Variants in MAP1S observed in about 807,000 individuals in gnomAD.
MAP1S encodes microtubule-associated protein 1S.
MAP1S carries 27 observed loss-of-function variants against 60.9 expected under a neutral mutation model. That is an observed-to-expected ratio of 0.44 (90% CI 0.33 to 0.61). The LOEUF (loss-of-function observed/expected upper bound fraction) is 0.61. Among genes scored for constraint, MAP1S ranks in the 20% least tolerant of loss-of-function variants. The pLI is 0.03. For missense variants in MAP1S, 1,608 were observed against 1,486.6 expected (o/e 1.08, Z -1.34); for synonymous variants, 826 against 694.2 (o/e 1.19, Z -2.98).
intron 2 of MAP1S, among the ~76,000 whole-genome samples, chr19:17,722,044 T>C (rs1460385369): frequency 1.3e-5 from 2 of 152,172 alleles, no homozygotes; most frequent in East Asian, 1.9e-4. Flanking sequence ...TGACACTTCA[T>C]GGGGCAGAAA....
Position 17,726,286 on chromosome 19 carries a change from TCAA to T in MAP1S, c.905_907del (p.Asn302del). 6.2e-7 allele frequency: 1 copy of T among 1,607,344 alleles called. No individual in the cohort carries two copies. The highest frequency in any genetic ancestry group is 8.5e-7 in the Non-Finnish European group (1 of 1,178,046). ...CCTGGCGCCGACAGCCTCCCCGGCC[TCAA>T]CAGCCTGCTGCGGCGCAAACTGGCG... On this transcript the variant is annotated inframe_deletion, in exon 5 of 7. Coordinates refer to ENST00000324096, the MANE Select transcript of MAP1S (RefSeq NM_018174.6).
At chr19:17,721,248 C>T (rs1258416981) in intron 2 of MAP1S, 2 of 576,168 alleles carry the variant, frequency 3.5e-6, no homozygotes, top group Non-Finnish European at 6.3e-6. Context: ...CCCTGATTGA[C>T]AGATGAGGAA....
Position 17,725,252 on chromosome 19 carries a change from G to A in MAP1S, c.444+63G>A. 6.5e-7 allele frequency: 1 copy of A among 1,544,560 alleles called. No individual in the cohort carries two copies. Among genetic ancestry groups the A allele is most frequent in the East Asian group, 2.3e-5 (1 of 44,348 alleles). ...CTGAATCCTGACTGGGGTGTATCAG[G>A]CTGTGTGGCACCAGCGACCTGCTGT... On this transcript the variant is annotated intron_variant, in intron 4 of 6. Coordinates refer to ENST00000324096, the MANE Select transcript of MAP1S (RefSeq NM_018174.6). The surrounding 1 kb of genome is among the most constrained non-coding windows in gnomAD (Gnocchi z 4.2).
chr19:17,727,572 G>T lies in MAP1S; in HGVS notation c.2188G>T (p.Ala730Ser). 1.2e-6 allele frequency: 2 copies of T among 1,607,056 alleles called. No individual in the cohort carries two copies. Among genetic ancestry groups the T allele is most frequent in the South Asian group, 1.1e-5 (1 of 91,016 alleles). ...PLRGPRARRSASPHDVDLCLV... is the reference protein window; with the variant it reads ...PLRGPRARRSSSPHDVDLCLV... ...GCGTGGCCCCCGGGCGCGGCGCTCG[G>T]CTTCCCCACACGATGTGGACCTGTG... Residue 730 changes from alanine (A) to serine (S), a missense_variant, in exon 5 of 7, where the codon GCT becomes TCT. Ala to Ser is a moderately conservative substitution (Grantham distance 99). Transcript: ENST00000324096. The surrounding 1 kb of genome is among the most constrained non-coding windows in gnomAD (Gnocchi z 4.1).
chr19:17,728,436 A>G (rs1200681980), intron 5 of MAP1S, among the ~76,000 whole-genome samples: 1 of 151,990 alleles, frequency 6.6e-6, no homozygotes, highest in Non-Finnish European at 1.5e-5. Context: ...TTTGGTAGAG[A>G]TAGGGTCTTA....
At position 17,727,349 on chromosome 19, in the gene MAP1S, G is replaced by C. The variant is rs776502177; in HGVS notation, c.1965G>C (p.Ser655=). ...CCGCAGAGGGCAGCGAGCGGCTGTCGCTGAGCCCACTGCGGGGCGGGGAGG... is the reference window on the plus strand; with the variant it reads ...CCGCAGAGGGCAGCGAGCGGCTGTCCCTGAGCCCACTGCGGGGCGGGGAGG... ...RSPAEGSERL[S]LSPLRGGEAG... is the part of the protein sequence containing the mutation. Residue 655 remains serine, a synonymous_variant, in exon 5 of 7, where the codon TCG becomes TCC. Coordinates refer to ENST00000324096, the MANE Select transcript of MAP1S (RefSeq NM_018174.6). This position sits in a 1 kb window ranked among gnomAD's most constrained non-coding sequence, Gnocchi z 4.1. The C allele has an allele frequency of 1.9e-6, 3 of 1,587,464 alleles. No homozygotes were observed. The highest frequency in any genetic ancestry group is 2.2e-5 in the South Asian group (2 of 88,920).
chr19:17,723,416 C>T (rs545460750), intron 2 of MAP1S, among the ~76,000 whole-genome samples: 11 of 152,014 alleles, frequency 7.2e-5, no homozygotes, highest in South Asian at 4.2e-4. Flanking sequence ...GGCGTGGTGG[C>T]GTGTGCCTGT....
In MAP1S at chr19:17,727,866, C is replaced by G. The variant is rs371162643; in HGVS notation, c.2482C>G (p.Leu828Val). ...TCGCCACGACCCTTTGCCTGACCCC[C>G]TCAAGGTCCCCCCACCACTGCCTGA... ...VPRHDPLPDP[L>V]KVPPPLPDPS... The change falls in exon 5 of 7, where the codon CTC (leucine) becomes GTC (valine). Residue 828 changes from leucine (L) to valine (V), a missense_variant. By Grantham distance (32) the Leu-to-Val change is conservative. This residue lies in a region of MAP1S where 1,167 missense variants were observed against 961.4 expected (regional missense o/e 1.21). Coordinates refer to ENST00000324096, the MANE Select transcript of MAP1S (RefSeq NM_018174.6). This position sits in a 1 kb window ranked among gnomAD's most constrained non-coding sequence, Gnocchi z 4.1. The G allele has an allele frequency of 4.3e-6, 7 of 1,613,138 alleles. No homozygotes were observed. In the Admixed American group the frequency reaches 6.7e-5, roughly 15 times the overall value.
chr19:17,720,323 C>A, intron 1 of MAP1S: 2 of 1,484,280 alleles, frequency 1.3e-6, no homozygotes, highest in South Asian at 1.3e-5. Context: ...CACCTCGGTT[C>A]ATGTGCTTGA....
rs114147427 is a variant in MAP1S, at chr19:17,720,965, G to T, written c.148G>T (p.Val50Phe). 728 of 1,614,078 alleles carry T rather than the reference G, an allele frequency of 4.5e-4. No homozygotes were observed. Among genetic ancestry groups the T allele is most frequent in the Non-Finnish European group, 5.9e-4 (697 of 1,179,986 alleles). Residue 50 changes from valine to phenylalanine, a missense_variant, in exon 2 of 7, where the codon GTC (valine) becomes TTC (phenylalanine). Val to Phe is a conservative substitution (Grantham distance 50). This residue lies in a region of MAP1S where 320 missense variants were observed against 393.1 expected (regional missense o/e 0.81). Transcript: ENST00000324096. The stretch of plus-strand genomic sequence containing the variant: ...CCGGTCTTGGGATGTCGATCCTGGC[G>T]TCTGCAACCTTGATGAACAGCTCAA... ...GIRSWDVDPG[V>F]CNLDEQLKVF...
chr19:17,734,287 C>T lies in MAP1S; in HGVS notation c.3039C>T (p.Pro1013=), dbSNP rs761906314. ...TCCACCTGCAGGTGACCCTGATCCC[C>T]ACTTTCGACTCGGTGGCCATGCATA... ...WDRDLQVTLI[P]TFDSVAMHTW... Residue 1013 remains proline (P), a synonymous_variant, in exon 7 of 7, where the codon CCC becomes CCT. Coordinates refer to ENST00000324096, the MANE Select transcript of MAP1S (RefSeq NM_018174.6). 1.2e-6 allele frequency: 2 copies of T among 1,613,384 alleles called. No individual in the cohort carries two copies. Among genetic ancestry groups the T allele is most frequent in the South Asian group, 1.1e-5 (1 of 91,034 alleles).
chr19:17,719,640 C>T lies in MAP1S; in HGVS notation c.118+20C>T, dbSNP rs1170947467. ...AAAGAGGTCGGGCTGGCCTGGGGGCCCGCGGGAGCCCGGGAGGCGGGCCCG... is the reference window on the plus strand; with the variant it reads ...AAAGAGGTCGGGCTGGCCTGGGGGCTCGCGGGAGCCCGGGAGGCGGGCCCG... On this transcript the variant is annotated intron_variant, in intron 1 of 6. Coordinates refer to ENST00000324096, the MANE Select transcript of MAP1S (RefSeq NM_018174.6). 8.2e-7 allele frequency: 1 copy of T among 1,212,476 alleles called. No individual in the cohort carries two copies. The highest frequency in any genetic ancestry group is 1.0e-6 in the Non-Finnish European group (1 of 963,236). The allele number at this position is 1,212,476 out of a possible 1,614,324, so 75.1% of individuals were successfully genotyped here.
rs2080417081 is a variant in MAP1S at position 17,726,110 on chromosome 19, C to T, written c.726C>T (p.Cys242=). 2 of 1,613,990 alleles carry T rather than the reference C, an allele frequency of 1.2e-6. No homozygotes were observed. Among genetic ancestry groups the T allele is most frequent in the Non-Finnish European group, 1.7e-6 (2 of 1,179,968 alleles). ...GCTTCCTCAGGCTGGGCCGGCCCTGCTGCTACATCTTCCCTGGAGGCCTCG... is the reference window on the plus strand; with the variant it reads ...GCTTCCTCAGGCTGGGCCGGCCCTGTTGCTACATCTTCCCTGGAGGCCTCG... ...SGGFLRLGRP[C]CYIFPGGLGD... is the part of the protein sequence containing the mutation. Residue 242 remains cysteine (C), a synonymous_variant, in exon 5 of 7, where the codon TGC becomes TGT. Coordinates refer to ENST00000324096, the MANE Select transcript of MAP1S (RefSeq NM_018174.6).
intron 1 of MAP1S, 173 bp from the exon 2 acceptor site, chr19:17,720,763 C>G (rs2080363257): frequency 1.5e-6 from 1 of 655,256 alleles, no homozygotes; most frequent in African/African-American, 1.8e-5. Flanking sequence ...TGCTCTGGGT[C>G]CCCTGGCTCA....
Position 17,734,347 on chromosome 19 carries a change from G to A in MAP1S, c.3099G>A (p.Ala1033=), listed in dbSNP as rs537329595. The change falls in exon 7 of 7, where the codon GCG becomes GCA. Residue 1033 remains alanine (A), a synonymous_variant. Coordinates refer to ENST00000324096, the MANE Select transcript of MAP1S (RefSeq NM_018174.6). ...CAGAGACGCACGCCCGGCACCAGGC[G>A]CTGGGCATCACGGTGTTGGGCAGCA... ...WYAETHARHQ[A]LGITVLGSNS... 39 of 1,613,834 alleles carry A rather than the reference G, an allele frequency of 2.4e-5. No homozygotes were observed. The South Asian group carries it at 3.3e-4, about 14-fold the overall frequency.
chr19:17,731,041 A>G (rs2080489293), intron 5 of MAP1S, among the ~76,000 whole-genome samples: 2 of 151,574 alleles, frequency 1.3e-5, no homozygotes, highest in Admixed American at 6.6e-5. Context: ...ACAGGCACCC[A>G]CCACCACACC....
At chr19:17,733,534 A>G in intron 6 of MAP1S, 106 bp downstream of exon 6, 1 of 889,740 alleles carries the variant, frequency 1.1e-6, no homozygotes, top group Non-Finnish European at 1.7e-6. Flanking sequence ...CCACACGGGA[A>G]TGGGGGCGAA....
intron 5 of MAP1S, among the ~76,000 whole-genome samples, chr19:17,730,344 T>G (rs962375783): frequency 6.6e-6 from 1 of 152,210 alleles, no homozygotes; most frequent in Admixed American, 6.5e-5. Context: ...AGAGACAGGG[T>G]CTCGGTCTGT....
intron 2 of MAP1S, among the ~76,000 whole-genome samples, chr19:17,723,727 G>A (rs1237072138): frequency 2.0e-5 from 3 of 152,096 alleles, no homozygotes; most frequent in Non-Finnish European, 2.9e-5. Flanking sequence ...GCGGGCACCT[G>A]TAGTCCTGGC....
Sources: gnomAD v4.1 joint callset for allele counts (sites outside exome capture counted in the v4.1 genomes callset) on GRCh38, gnomAD v4.1.1 for gene constraint, gnomAD v4.1.1 regional missense constraint, Gnocchi (gnomAD v3.1) non-coding constraint, MANE v1.5 for transcripts, NCBI Gene and HGNC (gene_info 2026-07-23, HGNC 2026-07-21) for gene names.